The following RHAG variants were observed in gnomAD, a reference collection of about 807,000 sequenced individuals.
The protein encoded by RHAG is ammonium transporter Rh type A.
In RHAG, 25 loss-of-function variants were observed where a neutral mutation model predicts 42.4. That is an observed-to-expected ratio of 0.59 (90% CI 0.43 to 0.82). The LOEUF is 0.82. Ranked by LOEUF, RHAG falls within the 40% of genes least tolerant of loss-of-function variation. The pLI is 0.00. For missense variants in RHAG, 483 were observed against 504.6 expected, an observed-to-expected ratio of 0.96 and a Z score of 0.41; for synonymous variants, 182 against 177.7, an observed-to-expected ratio of 1.02 and a Z score of -0.19.
At position 49,619,253 on chromosome 6, in the gene RHAG, C is replaced by G. The variant is rs755580358; in HGVS notation, c.267G>C (p.Leu89Phe). 5.0e-6 allele frequency: 8 copies of G among 1,613,896 alleles called. No homozygotes were observed. The South Asian group carries it at 7.7e-5, about 16-fold the overall frequency. ...SVGINLLVAA[L>F]GLQWGTIVQG... The stretch of plus-strand genomic sequence containing the variant: ...GTACAATAGTGCCCCACTGGAGGCC[C>G]AAAGCAGCAACGAGTAGGTTGATAC... Residue 89 changes from leucine (L) to phenylalanine (F), a missense_variant, in exon 2 of 10, where the codon TTG becomes TTC. Coordinates refer to ENST00000371175, the MANE Select transcript of RHAG (RefSeq NM_000324.3).
At chr6:49,610,949 A>G in intron 7 of RHAG, 75 bp downstream of exon 7, 2 of 1,580,388 alleles carry the variant, frequency 1.3e-6, no homozygotes, top group Non-Finnish European at 1.7e-6. Flanking sequence ...GCTAAAATGA[A>G]AACTCTCCCA....
rs141999064 is a variant in RHAG at position 49,606,804 on chromosome 6, A to G, written c.1212+44T>C. ...CTTGAAGTGTGTAAAGCTTTCACTA[A>G]TGGAGTCATCGTTCACATTCTTGTT... On this transcript the variant is annotated intron_variant, in intron 9 of 9. Transcript: ENST00000371175. 3.9e-6 allele frequency: 5 copies of G among 1,277,346 alleles called. No individual in the cohort carries two copies. In the East Asian group the frequency reaches 1.2e-4, roughly 30 times the overall value. The allele number at this position is 1,277,346 out of a possible 1,614,324, so 79.1% of individuals were successfully genotyped here.
At chr6:49,628,751 G>A (rs886170885) in intron 1 of RHAG, among the ~76,000 whole-genome samples, 4 of 151,350 alleles carry the variant, frequency 2.6e-5, no homozygotes, top group East Asian at 2.0e-4. Flanking sequence ...GGCGCGTCTC[G>A]AGTTGTTCGT....
intron 2 of RHAG, among the ~76,000 whole-genome samples, chr6:49,618,605 T>C (rs1352046395): frequency 6.6e-6 from 1 of 152,170 alleles, no homozygotes; most frequent in Non-Finnish European, 1.5e-5. Context: ...GTTTCTCATA[T>C]CCTCAAAGTC....
In RHAG at chr6:49,607,240, AG is replaced by A. The variant is rs1256142520; in HGVS notation, c.1068-21del. 1 of 1,604,388 alleles carries A rather than the reference AG, an allele frequency of 6.2e-7. No homozygotes were observed. The highest frequency in any genetic ancestry group is 1.3e-5 in the African/African-American group (1 of 74,770). Reference sequence around the variant, plus strand: ...ATAGACCTAAGGAAGCAAACAAAAAAGAATCAGTGTCTTTCCTGGATCTCAG... The same window carrying A: ...ATAGACCTAAGGAAGCAAACAAAAAAAATCAGTGTCTTTCCTGGATCTCAG... On this transcript the variant is annotated intron_variant, in intron 7 of 9. Coordinates refer to ENST00000371175, the MANE Select transcript of RHAG (RefSeq NM_000324.3).
intron 9 of RHAG, 91 bp downstream of exon 9, chr6:49,606,757 C>T (rs1017593562): frequency 1.6e-5 from 14 of 891,326 alleles, no homozygotes; most frequent in Non-Finnish European, 2.6e-5. Flanking sequence ...TTTCATCACA[C>T]CTATGCACAC....
At chr6:49,613,290 G>T (rs1581939227) in intron 5 of RHAG, among the ~76,000 whole-genome samples, 1 of 152,076 alleles carries the variant, frequency 6.6e-6, no homozygotes. Flanking sequence ...GGCTGTTCTG[G>T]AATGCCTGAC....
Position 49,606,905 on chromosome 6 carries a change from C to T in RHAG, c.1155G>A (p.Leu385=), listed in dbSNP as rs747187024. The part of the protein sequence containing the change: ...GGLMTGLILK[L]PLWGQPSDQN... ...GGTCAGATGGCTGTCCCCAGAGAGG[C>T]AACTTTAGAATTAAACCTGTGACGG... The change falls in exon 9 of 10, where the codon TTG becomes TTA. Residue 385 remains leucine, a synonymous_variant. Coordinates refer to ENST00000371175, the MANE Select transcript of RHAG (RefSeq NM_000324.3). 2.5e-6 allele frequency: 4 copies of T among 1,611,632 alleles called. No homozygotes were observed. The highest frequency in any genetic ancestry group is 1.3e-5 in the African/African-American group (1 of 74,850).
intron 9 of RHAG, chr6:49,606,630 TG>T (rs1774168265): frequency 2.3e-6 from 1 of 436,852 alleles, no homozygotes; most frequent in Non-Finnish European, 4.0e-6. Context: ...TTATAATTTT[TG>T]TAGAGAGTTG....
chr6:49,613,242 G>C (rs781702099), intron 5 of RHAG, among the ~76,000 whole-genome samples: 7 of 151,964 alleles, frequency 4.6e-5, no homozygotes, highest in Non-Finnish European at 1.0e-4. Flanking sequence ...GCTAATTTTT[G>C]TATTTTTAGT....
At chr6:49,607,357 A>G (rs1762493231) in intron 7 of RHAG, 137 bp from the exon 8 acceptor site, 4 of 731,446 alleles carry the variant, frequency 5.5e-6, no homozygotes, top group Admixed American at 4.1e-5. Flanking sequence ...AGCATTTGTT[A>G]CAATTTTTCT....
intron 6 of RHAG, among the ~76,000 whole-genome samples, chr6:49,611,825 T>G (rs1052709113): frequency 6.7e-6 from 1 of 150,312 alleles, no homozygotes; most frequent in Non-Finnish European, 1.5e-5. Flanking sequence ...CACTGCAACC[T>G]CCACCTCCCG....
In RHAG at chr6:49,615,776, G is replaced by A. The variant is rs1196235147; in HGVS notation, c.493-5C>T. Reference sequence around the variant, plus strand: ...TGATGCTCCAATGTCAGAGGCCTGAGGGACAAAATAGCATTCACATAAATA... The same window carrying A: ...TGATGCTCCAATGTCAGAGGCCTGAAGGACAAAATAGCATTCACATAAATA... On this transcript the variant is annotated splice_polypyrimidine_tract_variant and splice_region_variant and intron_variant, in intron 3 of 9. Coordinates refer to ENST00000371175, the MANE Select transcript of RHAG (RefSeq NM_000324.3). 1 of 1,613,928 alleles carries A rather than the reference G, an allele frequency of 6.2e-7. No individual in the cohort carries two copies.
chr6:49,623,562 C>T (rs564075532), intron 1 of RHAG, among the ~76,000 whole-genome samples: 1 of 152,152 alleles, frequency 6.6e-6, no homozygotes, highest in Non-Finnish European at 1.5e-5. Context: ...TTGTCTAAAT[C>T]AGTGATTCTC....
At chr6:49,618,840 TAA>T (rs1340657177) in intron 2 of RHAG, among the ~76,000 whole-genome samples, 2 of 152,156 alleles carry the variant, frequency 1.3e-5, no homozygotes, top group Non-Finnish European at 2.9e-5. Flanking sequence ...CAAAATACCA[TAA>T]ACTGGGTTGT....
At chr6:49,624,199 T>G (rs1314575402) in intron 1 of RHAG, among the ~76,000 whole-genome samples, 14 of 152,314 alleles carry the variant, frequency 9.2e-5, no homozygotes, top group Admixed American at 2.6e-4. Context: ...CTTATTATTT[T>G]TATTAATTAA....
chr6:49,628,790 G>T (rs1762886962), intron 1 of RHAG, among the ~76,000 whole-genome samples: 1 of 152,104 alleles, frequency 6.6e-6, no homozygotes, highest in South Asian at 2.1e-4. Context: ...GGTCTCGCTG[G>T]CTTCAGGAGT....
rs149343590 is a variant in RHAG at position 49,619,311 on chromosome 6, G to T, written c.209C>A (p.Thr70Asn). The T allele has an allele frequency of 8.1e-6, 13 of 1,614,006 alleles. No homozygotes were observed. The highest frequency in any genetic ancestry group is 1.7e-5 in the Admixed American group (1 of 59,986). ...MIFVGFGFLM[T>N]FLKKYGFSSV... ...GCTGAAGCCATATTTCTTCAGGAAG[G>T]TCATGAGGAAGCCAAACCCAACAAA... The change falls in exon 2 of 10, where the codon ACC becomes AAC. Residue 70 changes from threonine to asparagine, a missense_variant. By Grantham distance (65) the Thr-to-Asn change is moderately conservative (BLOSUM62 0). Transcript: ENST00000371175.
At chr6:49,623,795 A>G (rs2127355703) in intron 1 of RHAG, among the ~76,000 whole-genome samples, 1 of 152,314 alleles carries the variant, frequency 6.6e-6, no homozygotes, top group Non-Finnish European at 1.5e-5. Context: ...TAAATCAACT[A>G]TGCTTTTAAG....
Sources: gnomAD v4.1 joint callset for allele counts (sites outside exome capture counted in the v4.1 genomes callset) on GRCh38, gnomAD v4.1.1 for gene constraint, MANE v1.5 for transcripts, NCBI Gene and HGNC (gene_info 2026-07-23, HGNC 2026-07-21) for gene names.